CREB3L2: variants seen among roughly 807,000 people sequenced by gnomAD.
CREB3L2 encodes the protein cAMP responsive element binding protein 3 like 2, also known as cyclic AMP-responsive element-binding protein 3-like protein 2.
Under a neutral mutation model 57.2 loss-of-function variants are expected in CREB3L2, and 23 were observed. The observed-to-expected ratio is 0.40, with a 90% CI of 0.29 to 0.57. The LOEUF (loss-of-function observed/expected upper bound fraction) is 0.57. Among genes scored for constraint, CREB3L2 ranks in the 20% least tolerant of loss-of-function variants. The pLI is 0.42. For synonymous variants in CREB3L2, 268 were observed against 265.1 expected (o/e 1.01, Z -0.11); for missense variants, 628 against 634.7 (o/e 0.99, Z 0.11).
chr7:137,952,979 G>A (rs1801133054), intron 1 of CREB3L2, among the ~76,000 whole-genome samples: 1 of 152,074 alleles, frequency 6.6e-6, no homozygotes, highest in African/African-American at 2.4e-5. Flanking sequence ...ACCACGCCTG[G>A]ATAATTTTTG....
At chr7:137,989,998 T>C (rs1801860157) in intron 1 of CREB3L2, among the ~76,000 whole-genome samples, 1 of 152,208 alleles carries the variant, frequency 6.6e-6, no homozygotes, top group Non-Finnish European at 1.5e-5. Context: ...GAAGATCAAC[T>C]TGTCACTATC....
At chr7:137,976,015 A>G (rs373901859) in intron 1 of CREB3L2, among the ~76,000 whole-genome samples, 3 of 152,224 alleles carry the variant, frequency 2.0e-5, no homozygotes, top group African/African-American at 7.2e-5. Context: ...TCCCATAAGT[A>G]AGAACCAGAT....
At chr7:137,996,247 C>T (rs1801986806) in intron 1 of CREB3L2, among the ~76,000 whole-genome samples, 1 of 152,196 alleles carries the variant, frequency 6.6e-6, no homozygotes, top group Admixed American at 6.5e-5. Flanking sequence ...CTAGTGAAAG[C>T]TTATCAAATC....
At chr7:137,910,507 G>A (rs273962) in intron 4 of CREB3L2, among the ~76,000 whole-genome samples, 65,880 of 151,788 alleles carry the variant, frequency 0.43, 16,767 homozygotes, top group East Asian at 0.6. Context: ...AGTCCTAAGC[G>A]TGTTAATCAA....
At chr7:137,996,021 C>T (rs1242612491) in intron 1 of CREB3L2, among the ~76,000 whole-genome samples, 1 of 152,190 alleles carries the variant, frequency 6.6e-6, no homozygotes, top group Non-Finnish European at 1.5e-5. Flanking sequence ...ATTAGCAACA[C>T]ATAAACAAGG....
intron 1 of CREB3L2, among the ~76,000 whole-genome samples, chr7:137,952,835 G>C (rs915765228): frequency 3.9e-5 from 6 of 151,900 alleles, no homozygotes; most frequent in African/African-American, 1.5e-4. Flanking sequence ...TTTAGACGGG[G>C]TCTCTCTCTC....
At chr7:137,912,808 T>C (rs747727029) in intron 4 of CREB3L2, 183 bp downstream of exon 4, 2 of 1,496,278 alleles carry the variant, frequency 1.3e-6, no homozygotes, top group South Asian at 1.2e-5. Context: ...GGGAAAATAA[T>C]AGTTAGCTTG....
At position 137,946,796 on chromosome 7, in the gene CREB3L2, A is replaced by ATATATAGTTATC. The variant is rs1554500995; in HGVS notation, c.103-18431_103-18430insGATAACTATATA. On this transcript the variant is annotated intron_variant, in intron 1 of 11. Coordinates refer to ENST00000330387, the MANE Select transcript of CREB3L2 (RefSeq NM_194071.4). ...TATCTATATAGTTATCTATATAGTT[A>ATATATAGTTATC]TATATAGTTATATATAGTTATCTAT... is the stretch of plus-strand genomic sequence containing the variant. Among the ~76,000 whole-genome samples, 128 of 69,310 alleles carry ATATATAGTTATC rather than the reference A, an allele frequency of 1.8e-3. 10 individuals carry two copies. Among genetic ancestry groups the ATATATAGTTATC allele is most frequent in the Non-Finnish European group, 2.6e-3 (93 of 36,200 alleles). 45.5% of individuals were successfully genotyped at this position (69,310 alleles called of 152,430 possible). A position where few individuals can be genotyped will look rare whatever the true frequency, so the allele number is the denominator to read the frequency against.
chr7:137,961,053 C>T (rs1801313656), intron 1 of CREB3L2, among the ~76,000 whole-genome samples: 1 of 151,656 alleles, frequency 6.6e-6, no homozygotes, highest in Admixed American at 6.6e-5. Context: ...GATCCAGCCA[C>T]CTTGGCCTCC....
At position 138,001,485 on chromosome 7, in the gene CREB3L2, A is replaced by ATTC. The variant is rs1802075165; in HGVS notation, c.102+116_102+118dup. 1 of 684,942 alleles carries ATTC rather than the reference A, an allele frequency of 1.5e-6. No homozygotes were observed. The highest frequency in any genetic ancestry group is 2.5e-6 in the Non-Finnish European group (1 of 400,778). 42.4% of individuals were successfully genotyped at this position (684,942 alleles called of 1,614,324 possible). A position where few individuals can be genotyped will look rare whatever the true frequency, so the allele number is the denominator to read the frequency against. ...AGTACACCTCGCCCAGGACCTCTTG[A>ATTC]TTCTGACCATGCCCTGCCCCAAACC... is the stretch of plus-strand genomic sequence containing the variant. On this transcript the variant is annotated intron_variant, in intron 1 of 11. Transcript: ENST00000330387. The surrounding 1 kb of genome is among the most constrained non-coding windows in gnomAD (Gnocchi z 4.2).
chr7:137,876,719 G>A lies in CREB3L2; in HGVS notation c.*3757C>T, dbSNP rs77218976. The A allele has an allele frequency of 0.03, 7,011 of 232,026 alleles. 122 individuals are homozygous for A. The highest frequency in any genetic ancestry group is 0.037 in the Non-Finnish European group (4,303 of 117,390). 14.4% of individuals were successfully genotyped at this position (232,026 alleles called of 1,614,324 possible). A position where few individuals can be genotyped will look rare whatever the true frequency, so the allele number is the denominator to read the frequency against. On this transcript the variant is annotated 3_prime_UTR_variant, in exon 12 of 12. Transcript: ENST00000330387. The stretch of plus-strand genomic sequence containing the variant: ...GCACTACCTGCCCATGGCTTCACAG[G>A]TCCAGCCAGCCCAGCAAGCAGAAGT...
intron 1 of CREB3L2, among the ~76,000 whole-genome samples, chr7:137,946,738 T>G (rs1800984288): frequency 1.2e-5 from 1 of 85,532 alleles, no homozygotes; most frequent in African/African-American, 5.4e-5. Context: ...TAGTTTTATA[T>G]ATAGTTTTTT....
chr7:137,940,128 C>T (rs1800856335), intron 1 of CREB3L2, among the ~76,000 whole-genome samples: 1 of 152,120 alleles, frequency 6.6e-6, no homozygotes, highest in South Asian at 2.1e-4. Context: ...TTTGGTCAGA[C>T]TGCTGTAATG....
At chr7:137,918,324 G>A (rs1438299252) in intron 2 of CREB3L2, among the ~76,000 whole-genome samples, 2 of 152,054 alleles carry the variant, frequency 1.3e-5, no homozygotes, top group Non-Finnish European at 2.9e-5. Flanking sequence ...CTGAGTAGCT[G>A]GAATTACAGG....
intron 2 of CREB3L2, among the ~76,000 whole-genome samples, chr7:137,926,494 C>T (rs773654263): frequency 2.6e-4 from 40 of 152,216 alleles, no homozygotes; most frequent in South Asian, 6.2e-4. Context: ...GAACAGGACC[C>T]GCATGTTCTC....
chr7:137,979,871 T>C (rs1801682679), intron 1 of CREB3L2, among the ~76,000 whole-genome samples: 1 of 152,196 alleles, frequency 6.6e-6, no homozygotes, highest in African/African-American at 2.4e-5. Flanking sequence ...GCAGGGAGCC[T>C]GACTCAGATG....
intron 2 of CREB3L2, among the ~76,000 whole-genome samples, chr7:137,927,867 C>G (rs762986826): frequency 2.6e-5 from 4 of 151,948 alleles, no homozygotes; most frequent in Non-Finnish European, 4.4e-5. Context: ...GATAGGCCGG[C>G]CTGATTTGCA....
intron 1 of CREB3L2, among the ~76,000 whole-genome samples, chr7:138,000,316 C>T (rs936401861): frequency 6.6e-6 from 1 of 152,228 alleles, no homozygotes; most frequent in Non-Finnish European, 1.5e-5. Flanking sequence ...ACAGGAAGCA[C>T]ATCTGGTACC....
chr7:137,989,432 G>GTTTTT (rs33944427), intron 1 of CREB3L2, among the ~76,000 whole-genome samples: 21 of 106,004 alleles, frequency 2.0e-4, no homozygotes, highest in Non-Finnish European at 2.7e-4. Flanking sequence ...CTTTTCTCCA[G>GTTTTT]TTTTTTTTTT....
Sources: gnomAD v4.1 joint callset for allele counts (sites outside exome capture counted in the v4.1 genomes callset) on GRCh38, gnomAD v4.1.1 for gene constraint, Gnocchi (gnomAD v3.1) non-coding constraint, MANE v1.5 for transcripts, NCBI Gene and HGNC (gene_info 2026-07-23, HGNC 2026-07-21) for gene names.